GPC5: variants seen among roughly 807,000 people sequenced by gnomAD.
The protein encoded by GPC5 is glypican-5.
A neutral mutation model predicts 53.9 loss-of-function variants in GPC5; 47 were observed. That is an observed-to-expected ratio of 0.87 (90% confidence interval 0.69 to 1.11). GPC5 has a LOEUF of 1.11. GPC5 is among the 50% of genes most tolerant of loss of function. The pLI is 0.00. For missense variants in GPC5, 748 were observed against 713.1 expected, an observed-to-expected ratio of 1.05 and a Z score of -0.56; for synonymous variants, 286 against 263.3, an observed-to-expected ratio of 1.09 and a Z score of -0.84.
At chr13:91,909,443 A>G (rs1566336433) in intron 6 of GPC5, among the ~76,000 whole-genome samples, 1 of 152,178 alleles carries the variant, frequency 6.6e-6, no homozygotes, top group Non-Finnish European at 1.5e-5. Context: ...AAGTGGGATA[A>G]GCATTTCACA....
chr13:92,543,596 A>G (rs995256402), intron 7 of GPC5, among the ~76,000 whole-genome samples: 11 of 152,040 alleles, frequency 7.2e-5, no homozygotes, highest in Admixed American at 5.3e-4. Flanking sequence ...CTTCAGTTTC[A>G]GCATAAAGTC....
intron 7 of GPC5, among the ~76,000 whole-genome samples, chr13:92,569,658 C>T (rs1882962997): frequency 6.6e-6 from 1 of 152,186 alleles, no homozygotes; most frequent in East Asian, 1.9e-4. Context: ...ATTACCTTCT[C>T]CCCTAACAAA....
At chr13:92,510,563 T>C (rs1391594722) in intron 7 of GPC5, among the ~76,000 whole-genome samples, 2 of 152,178 alleles carry the variant, frequency 1.3e-5, no homozygotes, top group Non-Finnish European at 1.5e-5. Flanking sequence ...TATATACAAT[T>C]GACATAAGGC....
chr13:92,390,428 A>T (rs1874941183), intron 7 of GPC5, among the ~76,000 whole-genome samples: 1 of 152,146 alleles, frequency 6.6e-6, no homozygotes, highest in African/African-American at 2.4e-5. Flanking sequence ...TTCTACAAAG[A>T]TAAACAATGA....
Position 91,579,920 on chromosome 13 carries a change from C to T in GPC5, c.326-113267C>T, listed in dbSNP as rs567981392. ...ATAATATTTCCTGGTAATTTGATTG[C>T]TATTAGTAAGAGCCTCAGAATTAGA... On this transcript the variant is annotated intron_variant, in intron 2 of 7. Transcript: ENST00000377067. Among the ~76,000 whole-genome samples the T allele has an allele frequency of 2.0e-5, 3 of 151,884 alleles. No individual in the cohort carries two copies. In the South Asian group the frequency reaches 6.3e-4, roughly 32 times the overall value.
intron 6 of GPC5, among the ~76,000 whole-genome samples, chr13:92,009,240 A>T (rs2040638053): frequency 5.1e-5 from 5 of 97,724 alleles, no homozygotes; most frequent in East Asian, 5.7e-4. Context: ...TTATCTGTTG[A>T]GTGCTGGATT....
intron 7 of GPC5, among the ~76,000 whole-genome samples, 170 bp downstream of exon 7, chr13:92,145,159 T>A (rs112533994): frequency 1.6e-4 from 25 of 152,238 alleles, no homozygotes; most frequent in African/African-American, 5.8e-4. Context: ...TTGGTGGTTT[T>A]GTTTATTTTT....
Position 91,907,924 on chromosome 13 carries a change from T to C in GPC5, c.1281-13T>C. 4 of 1,593,884 alleles carry C rather than the reference T, an allele frequency of 2.5e-6. No homozygotes were observed. The highest frequency in any genetic ancestry group is 2.2e-5 in the East Asian group (1 of 44,664). ...CAGGTACTAAGTCATATCTTTCACA[T>C]TTCCCTTGCTAGTTATACTCAGCGT... is the stretch of plus-strand genomic sequence containing the variant. On this transcript the variant is annotated splice_polypyrimidine_tract_variant and intron_variant, in intron 5 of 7. Coordinates refer to ENST00000377067, the MANE Select transcript of GPC5 (RefSeq NM_004466.6).
intron 7 of GPC5, among the ~76,000 whole-genome samples, chr13:92,206,282 A>G (rs550466988): frequency 6.7e-6 from 1 of 148,602 alleles, no homozygotes; most frequent in African/African-American, 2.5e-5. Context: ...CTCCTGCCTC[A>G]GCCTCCCGAG....
chr13:92,170,485 G>C (rs948081779), intron 7 of GPC5, among the ~76,000 whole-genome samples: 21 of 138,030 alleles, frequency 1.5e-4, no homozygotes, highest in Admixed American at 6.4e-4. Flanking sequence ...GAGTGTAGTG[G>C]TGTGATCTTG....
chr13:91,685,123 CAAA>C (rs1171340611), intron 2 of GPC5, among the ~76,000 whole-genome samples: 4 of 145,584 alleles, frequency 2.7e-5, no homozygotes, highest in African/African-American at 1.1e-4. Context: ...ACTGTCTCTA[CAAA>C]CAAACAAACA....
intron 1 of GPC5, among the ~76,000 whole-genome samples, chr13:91,443,054 G>C (rs1880548571): frequency 1.3e-5 from 2 of 152,076 alleles, no homozygotes; most frequent in African/African-American, 2.4e-5. Context: ...CAGTCCCATG[G>C]ATTTAAGCAT....
At chr13:91,810,261 G>C (rs2038288867) in intron 5 of GPC5, among the ~76,000 whole-genome samples, 1 of 151,804 alleles carries the variant, frequency 6.6e-6, no homozygotes, top group African/African-American at 2.4e-5. Flanking sequence ...TGGCTTATTT[G>C]TTACATTCTA....
At chr13:92,379,226 G>T (rs1310689091) in intron 7 of GPC5, among the ~76,000 whole-genome samples, 1 of 152,140 alleles carries the variant, frequency 6.6e-6, no homozygotes, top group African/African-American at 2.4e-5. Context: ...GAGATCTTTT[G>T]GTTTTCTGGT....
intron 7 of GPC5, among the ~76,000 whole-genome samples, chr13:92,527,269 AAGAAAGAAAG>A (rs1566277327): frequency 1.4e-5 from 2 of 139,100 alleles, no homozygotes; most frequent in East Asian, 2.2e-4. Context: ...GAAAGAAAGA[AAGAAAGAAAG>A]AAAAAGATCA....
At chr13:92,483,850 A>G (rs942067429) in intron 7 of GPC5, among the ~76,000 whole-genome samples, 1 of 151,650 alleles carries the variant, frequency 6.6e-6, no homozygotes, top group Non-Finnish European at 1.5e-5. Flanking sequence ...TAGTCTTGCC[A>G]GGCACTGTGG....
chr13:91,551,938 A>G (rs980904909), intron 2 of GPC5, among the ~76,000 whole-genome samples: 1 of 152,100 alleles, frequency 6.6e-6, no homozygotes, highest in South Asian at 2.1e-4. Context: ...TAGTAAGTAC[A>G]TATTTTACAT....
At chr13:91,470,265 C>G (rs1430517264) in intron 2 of GPC5, among the ~76,000 whole-genome samples, 2 of 152,094 alleles carry the variant, frequency 1.3e-5, no homozygotes, top group Non-Finnish European at 2.9e-5. Flanking sequence ...AGATTTTCTT[C>G]CTTCAGACAG....
At chr13:92,283,480 A>T (rs1369539644) in intron 7 of GPC5, among the ~76,000 whole-genome samples, 1 of 152,210 alleles carries the variant, frequency 6.6e-6, no homozygotes, top group Non-Finnish European at 1.5e-5. Context: ...AAAATTGACC[A>T]CATAGTTGGA....
Sources: allele counts gnomAD v4.1 joint callset (sites outside exome capture counted in the v4.1 genomes callset), GRCh38; gene constraint gnomAD v4.1.1; transcripts MANE v1.5; gene names NCBI Gene and HGNC (gene_info 2026-07-23, HGNC 2026-07-21).